Variants in LOXHD1 observed in about 807,000 individuals in gnomAD.
LOXHD1 encodes lipoxygenase homology domain-containing protein 1.
LOXHD1 carries 205 observed loss-of-function variants against 248.2 expected under a neutral mutation model. The ratio of observed to expected loss-of-function variants is 0.83; its 90% CI spans 0.74 to 0.93. The LOEUF (loss-of-function observed/expected upper bound fraction) is 0.93, where lower values mean the gene tolerates loss of function less well. LOXHD1 is among the 40% of genes least tolerant of loss of function. The probability of loss-of-function intolerance (pLI) is 0.00; values close to 1 mark genes in which losing one functional copy is unlikely to be tolerated. For synonymous variants in LOXHD1, 1,113 were observed against 1,162.8 expected, an observed-to-expected ratio of 0.96 and a Z score of 0.87; for missense variants, 2,930 against 2,971.6, an observed-to-expected ratio of 0.99 and a Z score of 0.33.
chr18:46,622,009 A>T (rs1449763231), intron 4 of LOXHD1, among the ~76,000 whole-genome samples: 1 of 152,214 alleles, frequency 6.6e-6, no homozygotes, highest in African/African-American at 2.4e-5. Context: ...ATTTACAGAT[A>T]AGAAAACTGA....
chr18:46,621,096 G>A (rs927109744), intron 4 of LOXHD1, among the ~76,000 whole-genome samples: 1 of 152,180 alleles, frequency 6.6e-6, no homozygotes, highest in African/African-American at 2.4e-5. Context: ...CAGAGGTCAG[G>A]AGGAAGCTGA....
At chr18:46,559,107 C>G in intron 20 of LOXHD1, 1 of 1,320,554 alleles carries the variant, frequency 7.6e-7, no homozygotes, top group Non-Finnish European at 9.9e-7. Flanking sequence ...CTCCCTCCCC[C>G]TAGTTTTCCC....
intron 12 of LOXHD1, among the ~76,000 whole-genome samples, chr18:46,589,701 T>C (rs1471243249): frequency 6.6e-6 from 1 of 152,168 alleles, no homozygotes; most frequent in Non-Finnish European, 1.5e-5. Context: ...ATGTTGTCTG[T>C]TATAAGCTGA....
intron 38 of LOXHD1, 114 bp downstream of exon 38, chr18:46,488,858 T>C: frequency 8.8e-7 from 1 of 1,139,002 alleles, no homozygotes; most frequent in Non-Finnish European, 1.2e-6. Flanking sequence ...CTCATGCATA[T>C]CTCCATATTA....
At chr18:46,582,831 G>C (rs2037988384) in intron 12 of LOXHD1, among the ~76,000 whole-genome samples, 1 of 152,176 alleles carries the variant, frequency 6.6e-6, no homozygotes, top group Admixed American at 6.5e-5. Flanking sequence ...GCTTGGGACA[G>C]CAGGGAGATT....
intron 20 of LOXHD1, chr18:46,559,086 A>C: frequency 1.6e-6 from 2 of 1,240,106 alleles, no homozygotes; most frequent in Non-Finnish European, 2.1e-6. Flanking sequence ...GCCAAGGCCC[A>C]GTTTAAGTTG....
At chr18:46,599,048 C>T (rs774363054) in intron 8 of LOXHD1, among the ~76,000 whole-genome samples, 4 of 151,894 alleles carry the variant, frequency 2.6e-5, no homozygotes, top group Admixed American at 6.6e-5. Flanking sequence ...ACAGTATAAA[C>T]GTAAAAATGA....
intron 6 of LOXHD1, among the ~76,000 whole-genome samples, chr18:46,606,096 A>G (rs2038408830): frequency 6.6e-6 from 1 of 152,234 alleles, no homozygotes; most frequent in South Asian, 2.1e-4. Flanking sequence ...ATCTTTAAAG[A>G]CAGATAAGAC....
Position 46,522,087 on chromosome 18 carries a change from C to A in LOXHD1, c.5085+14G>T. 6.5e-7 allele frequency: 1 copy of A among 1,542,630 alleles called. No homozygotes were observed. Among genetic ancestry groups the A allele is most frequent in the South Asian group, 1.2e-5 (1 of 83,634 alleles). On this transcript the variant is annotated intron_variant, in intron 32 of 40. Transcript: ENST00000642948. ...TAGGGTGGTCACTATCATGGGGCCC[C>A]GAGAAGCCAGCACCTCTATTTTCTT...
chr18:46,518,875 T>A (rs2035416493), intron 33 of LOXHD1: 1 of 985,582 alleles, frequency 1.0e-6, no homozygotes, highest in Admixed American at 6.1e-5. Context: ...GGAGTGATTC[T>A]TACAGAGGGA....
intron 2 of LOXHD1, among the ~76,000 whole-genome samples, chr18:46,647,315 G>A: frequency 6.6e-6 from 1 of 152,190 alleles, no homozygotes; most frequent in East Asian, 1.9e-4. Flanking sequence ...GGAAATCCAT[G>A]CCATGTTATA....
chr18:46,490,223 G>C (rs1383952618), intron 37 of LOXHD1, among the ~76,000 whole-genome samples: 1 of 152,148 alleles, frequency 6.6e-6, no homozygotes, highest in Non-Finnish European at 1.5e-5. Flanking sequence ...ATGTCCGCAA[G>C]GAAACTCCAA....
intron 37 of LOXHD1, among the ~76,000 whole-genome samples, chr18:46,503,025 G>T (rs2034333535): frequency 6.6e-6 from 1 of 152,130 alleles, no homozygotes; most frequent in South Asian, 2.1e-4. Context: ...GCTCTCTGGG[G>T]GGAGTCTCAA....
At position 46,604,041 on chromosome 18, in the gene LOXHD1, G is replaced by A. The variant is rs9958918; in HGVS notation, c.883+65C>T. On this transcript the variant is annotated intron_variant, in intron 7 of 40. Coordinates refer to ENST00000642948, the MANE Select transcript of LOXHD1 (RefSeq NM_001384474.1). ...ATCACAGGCCTCCAGCCCCACAGAT[G>A]CCAACAGCGACCCTTAGGCAGAAAG... The A allele has an allele frequency of 8.0e-4, 1,238 of 1,543,202 alleles. 9 individuals carry two copies. The African/African-American group carries it at 0.016, about 20-fold the overall frequency.
rs748870133 is a variant in LOXHD1 at position 46,610,932 on chromosome 18, C to T, written c.611-8G>A. On this transcript the variant is annotated splice_polypyrimidine_tract_variant and splice_region_variant and intron_variant, in intron 5 of 40. Coordinates refer to ENST00000642948, the MANE Select transcript of LOXHD1 (RefSeq NM_001384474.1). ...TTTCTAGCCTACGCTCCCCTGTATGCACAGACATACAAAAGAAATTACAAA... is the reference window on the plus strand; with the variant it reads ...TTTCTAGCCTACGCTCCCCTGTATGTACAGACATACAAAAGAAATTACAAA... The T allele has an allele frequency of 2.4e-5, 37 of 1,550,682 alleles. No individual in the cohort carries two copies. Among genetic ancestry groups the T allele is most frequent in the Middle Eastern group, 3.3e-4 (2 of 5,980 alleles).
At chr18:46,542,349 G>C (rs963491283) in intron 24 of LOXHD1, among the ~76,000 whole-genome samples, 1 of 152,174 alleles carries the variant, frequency 6.6e-6, no homozygotes. Context: ...TGAAGCAATT[G>C]AATCAAAGGC....
chr18:46,622,423 C>G (rs901659393), intron 4 of LOXHD1, among the ~76,000 whole-genome samples: 2 of 152,098 alleles, frequency 1.3e-5, no homozygotes, highest in Non-Finnish European at 2.9e-5. Flanking sequence ...ACATAGAAAC[C>G]ATTCTTAGCT....
chr18:46,596,351 C>A (rs540014405), intron 8 of LOXHD1, among the ~76,000 whole-genome samples: 1 of 152,202 alleles, frequency 6.6e-6, no homozygotes, highest in East Asian at 1.9e-4. Flanking sequence ...TAAGAACCAG[C>A]AAAATTCAGA....
chr18:46,533,576 T>C (rs2036171835), intron 27 of LOXHD1: 2 of 457,722 alleles, frequency 4.4e-6, no homozygotes, highest in East Asian at 8.0e-5. Context: ...CTGAACTCCA[T>C]CCTGGAGACT....
Sources: gnomAD v4.1 joint callset for allele counts (sites outside exome capture counted in the v4.1 genomes callset) on GRCh38, gnomAD v4.1.1 for gene constraint, MANE v1.5 for transcripts, NCBI Gene and HGNC (gene_info 2026-07-23, HGNC 2026-07-21) for gene names.